The following BAIAP2 variants were observed in gnomAD, a reference collection of about 807,000 sequenced individuals.
BAIAP2 encodes BAR/IMD domain containing adaptor protein 2.
BAIAP2 carries 18 observed loss-of-function variants against 63.0 expected under a neutral mutation model. That is an observed-to-expected ratio of 0.29 (90% confidence interval 0.20 to 0.42). The LOEUF (loss-of-function observed/expected upper bound fraction) is 0.42, where lower values mean the gene tolerates loss of function less well. Among genes scored for constraint, BAIAP2 ranks in the 10% least tolerant of loss-of-function variants. BAIAP2 has a pLI of 1.00. For synonymous variants in BAIAP2, 386 were observed against 307.6 expected, an observed-to-expected ratio of 1.25 and a Z score of -2.67; for missense variants, 610 against 734.3, an observed-to-expected ratio of 0.83 and a Z score of 1.96.
At chr17:81,091,353 G>A (rs1321423429) in intron 6 of BAIAP2, among the ~76,000 whole-genome samples, 3 of 152,072 alleles carry the variant, frequency 2.0e-5, no homozygotes, top group Non-Finnish European at 2.9e-5. Context: ...CCTCTTCACC[G>A]GCCTCTCCAT....
chr17:81,084,782 A>C (rs764597188), intron 3 of BAIAP2, 50 bp from the exon 4 acceptor site: 1 of 1,583,278 alleles, frequency 6.3e-7, no homozygotes, highest in East Asian at 2.2e-5. Context: ...GACGGTGGTG[A>C]CTGCGAGCAC....
intron 1 of BAIAP2, among the ~76,000 whole-genome samples, chr17:81,045,667 G>A (rs370913405): frequency 1.3e-5 from 2 of 152,160 alleles, no homozygotes; most frequent in Non-Finnish European, 2.9e-5. Context: ...AGCCCCTCAC[G>A]CTGATCCCAC....
chr17:81,048,685 A>G (rs1479448655), intron 1 of BAIAP2, among the ~76,000 whole-genome samples: 1 of 152,158 alleles, frequency 6.6e-6, no homozygotes, highest in Non-Finnish European at 1.5e-5. Flanking sequence ...TCTGCAACTG[A>G]TGGACACGGC....
chr17:81,057,985 CCCCCGCCT>C lies in BAIAP2; in HGVS notation c.217+19_217+26del. The stretch of plus-strand genomic sequence containing the variant: ...AGAACTCGGTGAGACCCCCCCCCCC[CCCCCGCCT>C]GGTAGTCGCCTGATGCCCTCAGGCA... On this transcript the variant is annotated intron_variant, in intron 3 of 13. Transcript: ENST00000428708. 1 of 1,216,956 alleles carries C rather than the reference CCCCCGCCT, an allele frequency of 8.2e-7. No individual in the cohort carries two copies. Among genetic ancestry groups the C allele is most frequent in the Non-Finnish European group, 1.1e-6 (1 of 922,482 alleles). The allele number at this position is 1,216,956 out of a possible 1,614,324, so 75.4% of individuals were successfully genotyped here.
intron 10 of BAIAP2, 83 bp downstream of exon 10, chr17:81,104,798 C>A: frequency 7.2e-7 from 1 of 1,395,818 alleles, no homozygotes; most frequent in Non-Finnish European, 9.7e-7. Context: ...TGCACTGAGA[C>A]CTTGTGTTTA....
rs779125260 is a variant in BAIAP2, at chr17:81,104,677, C to T, written c.1230C>T (p.Arg410=). ...TTACCCTGCTGGTGCCTGAGGCCCG[C>T]GATGGCTGGCACTACGGAGAGAGTG... The part of the protein sequence containing the change: ...DLITLLVPEA[R]DGWHYGESEK... Residue 410 remains arginine, a synonymous_variant, in exon 10 of 14, where the codon CGC becomes CGT. Coordinates refer to ENST00000428708, the MANE Select transcript of BAIAP2 (RefSeq NM_001144888.2). The T allele has an allele frequency of 8.7e-6, 14 of 1,601,488 alleles. No individual in the cohort carries two copies. The South Asian group carries it at 1.0e-4, about 12-fold the overall frequency.
chr17:81,048,733 C>A (rs2048208601), intron 1 of BAIAP2, among the ~76,000 whole-genome samples: 1 of 152,174 alleles, frequency 6.6e-6, no homozygotes, highest in African/African-American at 2.4e-5. Context: ...TAGCTGGGGT[C>A]CCTGGGGGCT....
chr17:81,112,540 G>A (rs1275264901), intron 13 of BAIAP2, among the ~76,000 whole-genome samples: 3 of 152,238 alleles, frequency 2.0e-5, no homozygotes, highest in Non-Finnish European at 2.9e-5. Context: ...CCTGGCCGCT[G>A]TCCATACTCG....
intron 1 of BAIAP2, among the ~76,000 whole-genome samples, chr17:81,042,318 T>TG (rs1364636060): frequency 1.3e-5 from 2 of 151,218 alleles, no homozygotes; most frequent in Non-Finnish European, 3.0e-5. Flanking sequence ...GCTAATTTTT[T>TG]TTTTTATTTT....
In BAIAP2 at chr17:81,103,702, C is replaced by G. The variant is rs200833670; in HGVS notation, c.843C>G (p.Pro281=). Residue 281 remains proline (P), a synonymous_variant, in exon 8 of 14, where the codon CCC becomes CCG. Coordinates refer to ENST00000428708, the MANE Select transcript of BAIAP2 (RefSeq NM_001144888.2). The stretch of plus-strand genomic sequence containing the variant: ...GGGCCAAGCCCCTGCCGGTGCCCCC[C>G]GAGCTGGCACCGTTCGTGGGGGTGA... The part of the protein sequence containing the change: ...IPGAKPLPVP[P]ELAPFVGRMS... The G allele has an allele frequency of 2.5e-6, 4 of 1,592,642 alleles. No individual in the cohort carries two copies. The highest frequency in any genetic ancestry group is 1.3e-5 in the African/African-American group (1 of 74,332).
intron 3 of BAIAP2, among the ~76,000 whole-genome samples, chr17:81,063,395 A>G (rs748028526): frequency 6.6e-6 from 1 of 152,222 alleles, no homozygotes; most frequent in Non-Finnish European, 1.5e-5. Context: ...AGAATATTCC[A>G]TAAACGTGTA....
intron 6 of BAIAP2, among the ~76,000 whole-genome samples, chr17:81,099,208 G>T (rs1458076854): frequency 9.5e-5 from 10 of 105,468 alleles, no homozygotes; most frequent in Admixed American, 9.1e-4. Flanking sequence ...GTGACCTCTT[G>T]TCTGATCCTC....
intron 3 of BAIAP2, among the ~76,000 whole-genome samples, chr17:81,062,463 T>C (rs2050732347): frequency 6.6e-6 from 1 of 152,200 alleles, no homozygotes; most frequent in Admixed American, 6.5e-5. Context: ...CCATCACGAA[T>C]TTCTCCCCAC....
In BAIAP2 at chr17:81,104,674, C is replaced by A; in HGVS notation, c.1227C>A (p.Ala409=). ...GDLITLLVPE[A]RDGWHYGESE... ...TCATTACCCTGCTGGTGCCTGAGGC[C>A]CGCGATGGCTGGCACTACGGAGAGA... The change falls in exon 10 of 14, where the codon GCC becomes GCA. Residue 409 remains alanine (A), a synonymous_variant. Transcript: ENST00000428708. The A allele has an allele frequency of 1.2e-6, 2 of 1,603,160 alleles. No homozygotes were observed. Among genetic ancestry groups the A allele is most frequent in the Non-Finnish European group, 1.7e-6 (2 of 1,175,368 alleles).
chr17:81,070,076 C>T (rs1350883270), intron 3 of BAIAP2, among the ~76,000 whole-genome samples: 2 of 152,210 alleles, frequency 1.3e-5, no homozygotes, highest in Admixed American at 6.5e-5. Context: ...CCTCCCACCT[C>T]AGCTTCTGAG....
chr17:81,044,021 G>C (rs2047449221), intron 1 of BAIAP2, among the ~76,000 whole-genome samples: 1 of 152,238 alleles, frequency 6.6e-6, no homozygotes, highest in African/African-American at 2.4e-5. Flanking sequence ...CAGTGGTCCA[G>C]AGCAGGAAAG....
intron 3 of BAIAP2, among the ~76,000 whole-genome samples, chr17:81,074,346 G>A (rs544365254): frequency 2.3e-4 from 35 of 151,690 alleles, no homozygotes; most frequent in African/African-American, 6.3e-4. Flanking sequence ...GTGAGTGTGC[G>A]TGCACTGGTA....
intron 13 of BAIAP2, among the ~76,000 whole-genome samples, chr17:81,111,687 G>A (rs1369309425): frequency 6.6e-6 from 1 of 152,238 alleles, no homozygotes; most frequent in Non-Finnish European, 1.5e-5. Context: ...CACGGGTTGA[G>A]TGGGCCACTC....
intron 2 of BAIAP2, among the ~76,000 whole-genome samples, chr17:81,054,330 C>T (rs560199738): frequency 2.0e-4 from 31 of 151,748 alleles, no homozygotes; most frequent in Middle Eastern, 3.4e-3. Flanking sequence ...GAACTGTGCC[C>T]GGGCCCCGTG....
Sources: gnomAD v4.1 joint callset for allele counts (sites outside exome capture counted in the v4.1 genomes callset) on GRCh38, gnomAD v4.1.1 for gene constraint, MANE v1.5 for transcripts, NCBI Gene and HGNC (gene_info 2026-07-23, HGNC 2026-07-21) for gene names.